Variants in RIT2 observed in about 807,000 individuals in gnomAD.
RIT2 encodes the protein Ras like without CAAX 2.
Under a neutral mutation model 23.7 loss-of-function variants are expected in RIT2, and 24 were observed. The ratio of observed to expected loss-of-function variants is 1.01; its 90% CI spans 0.73 to 1.43. The LOEUF (loss-of-function observed/expected upper bound fraction) is 1.43, where lower values mean the gene tolerates loss of function less well. Ranked by LOEUF, RIT2 falls within the 40% of genes most tolerant of loss-of-function variation. RIT2 has a pLI of 0.00. For synonymous variants in RIT2, 107 were observed against 91.1 expected, an observed-to-expected ratio of 1.17 and a Z score of -0.99; for missense variants, 236 against 266.9, an observed-to-expected ratio of 0.88 and a Z score of 0.81.
chr18:43,005,364 T>C (rs1176427385), intron 2 of RIT2, among the ~76,000 whole-genome samples: 4 of 151,866 alleles, frequency 2.6e-5, no homozygotes, highest in Non-Finnish European at 5.9e-5. Context: ...ACAAAGGGAA[T>C]ATTTAAAATC....
intron 4 of RIT2, among the ~76,000 whole-genome samples, chr18:42,803,602 G>A (rs1905599206): frequency 6.6e-6 from 1 of 152,092 alleles, no homozygotes; most frequent in Non-Finnish European, 1.5e-5. Flanking sequence ...TGACTATTGT[G>A]GTATTATAGG....
intron 2 of RIT2, among the ~76,000 whole-genome samples, chr18:43,029,392 G>A (rs992318077): frequency 6.6e-6 from 1 of 151,934 alleles, no homozygotes; most frequent in Admixed American, 6.6e-5. Flanking sequence ...CAAATAAATG[G>A]ATGGGCAAAT....
chr18:42,915,835 A>G (rs1171154583), intron 4 of RIT2, among the ~76,000 whole-genome samples: 1 of 151,862 alleles, frequency 6.6e-6, no homozygotes, highest in African/African-American at 2.4e-5. Flanking sequence ...TATTTTAAAC[A>G]TTTGTACATA....
intron 4 of RIT2, among the ~76,000 whole-genome samples, chr18:42,832,596 C>G (rs1036850222): frequency 6.6e-6 from 1 of 152,148 alleles, no homozygotes; most frequent in South Asian, 2.1e-4. Flanking sequence ...TTGACACATG[C>G]ATGGACTATT....
intron 4 of RIT2, among the ~76,000 whole-genome samples, chr18:42,849,323 G>A (rs1024941073): frequency 6.6e-6 from 1 of 152,142 alleles, no homozygotes; most frequent in Non-Finnish European, 1.5e-5. Flanking sequence ...TGCGCCAATA[G>A]GAATACTTTT....
chr18:42,823,816 G>A (rs192692792), intron 4 of RIT2, among the ~76,000 whole-genome samples: 35 of 152,190 alleles, frequency 2.3e-4, no homozygotes, highest in African/African-American at 8.2e-4. Flanking sequence ...TCAATTCACG[G>A]AGTCAATAAA....
chr18:42,796,562 C>A (rs1188464887), intron 4 of RIT2, among the ~76,000 whole-genome samples: 1 of 152,190 alleles, frequency 6.6e-6, no homozygotes, highest in Admixed American at 6.5e-5. Flanking sequence ...CAGACTAATA[C>A]AGTGAATTAA....
chr18:42,990,912 G>GTTTTTTTTT (rs77172671), intron 2 of RIT2, among the ~76,000 whole-genome samples: 5 of 133,096 alleles, frequency 3.8e-5, no homozygotes, highest in East Asian at 2.3e-4. Context: ...CACTGGTTTT[G>GTTTTTTTTT]TTTTTTTTTT....
chr18:43,026,438 C>G (rs1238357667), intron 2 of RIT2, among the ~76,000 whole-genome samples: 1 of 151,696 alleles, frequency 6.6e-6, no homozygotes, highest in African/African-American at 2.4e-5. Flanking sequence ...CCTGTAGTCT[C>G]AGCTACTTGG....
At chr18:42,916,724 G>A (rs1243222434) in intron 4 of RIT2, among the ~76,000 whole-genome samples, 1 of 152,066 alleles carries the variant, frequency 6.6e-6, no homozygotes, top group Non-Finnish European at 1.5e-5. Flanking sequence ...GACATACACT[G>A]TGCTAGATAA....
intron 4 of RIT2, among the ~76,000 whole-genome samples, chr18:42,777,970 T>A (rs942040983): frequency 6.6e-6 from 1 of 152,202 alleles, no homozygotes; most frequent in Non-Finnish European, 1.5e-5. Flanking sequence ...AACTCCAATT[T>A]GGCACATCAT....
chr18:43,036,373 C>G (rs1202672597), intron 1 of RIT2, among the ~76,000 whole-genome samples: 2 of 152,126 alleles, frequency 1.3e-5, no homozygotes, highest in African/African-American at 4.8e-5. Context: ...AATCCCATCT[C>G]TACTAAAAAT....
At chr18:43,084,205 G>T (rs1913226406) in intron 1 of RIT2, among the ~76,000 whole-genome samples, 1 of 152,206 alleles carries the variant, frequency 6.6e-6, no homozygotes, top group Non-Finnish European at 1.5e-5. Context: ...ATGCCAGTTA[G>T]AATGGTGATC....
In RIT2 at chr18:42,927,067, A is replaced by G. The variant is rs934021612; in HGVS notation, c.235-3304T>C. On this transcript the variant is annotated intron_variant, in intron 3 of 4. Transcript: ENST00000326695. Reference sequence around the variant, plus strand: ...GTTAAAATGCTTTGATGAATTTTTAAAATACAATACAAATCAAGCCTATTA... The same window carrying G: ...GTTAAAATGCTTTGATGAATTTTTAGAATACAATACAAATCAAGCCTATTA... Among the ~76,000 whole-genome samples the G allele has an allele frequency of 3.3e-5, 5 of 152,010 alleles. No individual in the cohort carries two copies. In the South Asian group the frequency reaches 1.0e-3, roughly 31 times the overall value.
chr18:42,898,589 T>C (rs1224451882), intron 4 of RIT2, among the ~76,000 whole-genome samples: 1 of 152,158 alleles, frequency 6.6e-6, no homozygotes, highest in East Asian at 1.9e-4. Context: ...ATAAATATTA[T>C]GTTATTATAT....
At chr18:42,759,361 C>T (rs1362630352) in intron 4 of RIT2, among the ~76,000 whole-genome samples, 1 of 152,062 alleles carries the variant, frequency 6.6e-6, no homozygotes, top group Non-Finnish European at 1.5e-5. Context: ...ACTCCAAATT[C>T]CATCTTATAT....
chr18:43,079,879 G>A (rs1913113865), intron 1 of RIT2, among the ~76,000 whole-genome samples: 1 of 152,176 alleles, frequency 6.6e-6, no homozygotes, highest in Admixed American at 6.5e-5. Flanking sequence ...AAAGGCACCT[G>A]AGCTTCAGTG....
intron 1 of RIT2, among the ~76,000 whole-genome samples, chr18:43,088,930 T>C (rs1913352556): frequency 6.6e-6 from 1 of 152,136 alleles, no homozygotes. Flanking sequence ...ATTGATTATT[T>C]TGGAAAAATA....
intron 1 of RIT2, among the ~76,000 whole-genome samples, chr18:43,069,918 C>T (rs568772676): frequency 2.0e-5 from 3 of 152,038 alleles, no homozygotes; most frequent in Non-Finnish European, 2.9e-5. Context: ...CCCCTCTTGT[C>T]GTGCCTTATT....
Sources: allele counts gnomAD v4.1 joint callset (sites outside exome capture counted in the v4.1 genomes callset), GRCh38; gene constraint gnomAD v4.1.1; transcripts MANE v1.5; gene names NCBI Gene and HGNC (gene_info 2026-07-23, HGNC 2026-07-21).